DOCK8: variants seen among roughly 807,000 people sequenced by gnomAD.
DOCK8 encodes the protein dedicator of cytokinesis 8, also known as dedicator of cytokinesis protein 8.
In DOCK8, 141 loss-of-function variants were observed where a neutral mutation model predicts 245.6. That is an observed-to-expected ratio of 0.57 (90% CI 0.50 to 0.66). The LOEUF (loss-of-function observed/expected upper bound fraction) is 0.66, where lower values mean the gene tolerates loss of function less well. Among genes scored for constraint, DOCK8 ranks in the 30% least tolerant of loss-of-function variants. The probability of loss-of-function intolerance (pLI) is 0.00; values close to 1 mark genes in which losing one functional copy is unlikely to be tolerated. For missense variants in DOCK8, 2,965 were observed against 2,603.4 expected (o/e 1.14, Z -3.02); for synonymous variants, 1,168 against 970.2 (o/e 1.20, Z -3.79).
Position 450,736 on chromosome 9 carries a change from T to C in DOCK8, c.5961+809T>C, listed in dbSNP as rs115966271. Among the ~76,000 whole-genome samples, 767 of 151,204 alleles carry C rather than the reference T, an allele frequency of 5.1e-3. 3 individuals are homozygous for C. The highest frequency in any genetic ancestry group is 0.017 in the African/African-American group (712 of 41,172). ...CATTCCCAAGATCAGGAAAAAAAAA[T>C]GAGGAAACGTTTGCCTTTGTAAGTG... is the stretch of plus-strand genomic sequence containing the variant. On this transcript the variant is annotated intron_variant, in intron 45 of 47. Coordinates refer to ENST00000432829, the MANE Select transcript of DOCK8 (RefSeq NM_203447.4).
chr9:411,814 A>G (rs186344193), intron 28 of DOCK8, among the ~76,000 whole-genome samples: 2 of 152,340 alleles, frequency 1.3e-5, no homozygotes, highest in East Asian at 3.9e-4. Flanking sequence ...TACCATATTA[A>G]TAAAATAAAG....
intron 14 of DOCK8, among the ~76,000 whole-genome samples, chr9:342,297 C>CTTTTTTTATTTTTTTTTTTTTTT (rs2051640136): frequency 8.0e-6 from 1 of 124,414 alleles, no homozygotes; most frequent in African/African-American, 3.0e-5. Flanking sequence ...TTTCTTTTTT[C>CTTTTTTTATTTTTTTTTTTTTTT]TTTTTTTTTT....
chr9:382,828 C>A, intron 22 of DOCK8, 143 bp downstream of exon 22: 2 of 1,119,226 alleles, frequency 1.8e-6, no homozygotes, highest in Non-Finnish European at 2.6e-6. Flanking sequence ...GAGTGATTAA[C>A]GTTCTTTAGA....
intron 4 of DOCK8, among the ~76,000 whole-genome samples, chr9:296,146 C>A (rs1057440463): frequency 6.6e-6 from 1 of 152,132 alleles, no homozygotes; most frequent in African/African-American, 2.4e-5. Flanking sequence ...CTCCCCATGA[C>A]TTTTGAAAAT....
chr9:384,966 CCT>C, intron 22 of DOCK8, among the ~76,000 whole-genome samples: 1 of 152,116 alleles, frequency 6.6e-6, no homozygotes, highest in South Asian at 2.1e-4. Flanking sequence ...GGATTCACCC[CCT>C]GAGATGCTGA....
intron 22 of DOCK8, 63 bp downstream of exon 22, chr9:382,748 G>A (rs1563989068): frequency 6.3e-7 from 1 of 1,581,828 alleles, no homozygotes; most frequent in African/African-American, 1.3e-5. Context: ...CTAAAACTTG[G>A]AGAAGTAACA....
intron 36 of DOCK8, 29 bp downstream of exon 36, chr9:429,883 G>A (rs762357192): frequency 1.2e-6 from 2 of 1,612,374 alleles, no homozygotes; most frequent in Non-Finnish European, 1.7e-6. Flanking sequence ...TGAGTGACCT[G>A]GAATCAGTAG....
chr9:231,696 G>C (rs2047121452), intron 1 of DOCK8, among the ~76,000 whole-genome samples: 1 of 152,082 alleles, frequency 6.6e-6, no homozygotes, highest in Non-Finnish European at 1.5e-5. Context: ...TTGGCTCTCT[G>C]TTTGTCTGTT....
chr9:285,808 C>G (rs10967998), intron 2 of DOCK8, among the ~76,000 whole-genome samples: 1 of 152,064 alleles, frequency 6.6e-6, no homozygotes, highest in East Asian at 1.9e-4. Flanking sequence ...TATGAAAACT[C>G]AGCAGATTGC....
intron 26 of DOCK8, among the ~76,000 whole-genome samples, chr9:403,246 G>A (rs2055198674): frequency 6.6e-6 from 1 of 152,178 alleles, no homozygotes. Context: ...CCATAGTGGG[G>A]CCTTCTTTTA....
chr9:424,864 A>G (rs182704200), intron 33 of DOCK8, among the ~76,000 whole-genome samples: 46 of 152,220 alleles, frequency 3.0e-4, no homozygotes, highest in African/African-American at 1.0e-3. Flanking sequence ...TTGGGAAAAA[A>G]CAGATTAGGA....
At chr9:213,150 T>C (rs1484769513), upstream of DOCK8, 2 of 152,202 alleles carry the variant, frequency 1.3e-5, no homozygotes, top group East Asian at 1.9e-4. Context: ...TTTGTTTTCG[T>C]ATGTAGTCTA....
chr9:239,648 A>G (rs1354005977), intron 1 of DOCK8, among the ~76,000 whole-genome samples: 1 of 152,224 alleles, frequency 6.6e-6, no homozygotes, highest in Non-Finnish European at 1.5e-5. Context: ...TATAAATTAT[A>G]GAAAAGTCAG....
rs371700985 is a variant in DOCK8, at chr9:368,134, C to T, written c.1796C>T (p.Pro599Leu). Residue 599 changes from proline to leucine, a missense_variant and splice_region_variant, in exon 15 of 48, where the codon CCG (proline) becomes CTG (leucine). Physicochemically the swap from Pro to Leu is moderately conservative, Grantham distance 98. Transcript: ENST00000432829. ...GGAGAAGATGCTAGCAATGCGATGC[C>T]GGTAAGGAGGGAAACGAACATTTGC... ...MCGEDASNAM[P>L]VIFGKSSGPE... is the part of the protein sequence containing the mutation. 8.1e-6 allele frequency: 13 copies of T among 1,612,906 alleles called. No homozygotes were observed. Among genetic ancestry groups the T allele is most frequent in the Non-Finnish European group, 9.3e-6 (11 of 1,178,922 alleles).
rs142287625 is a variant in DOCK8 at position 224,545 on chromosome 9, G to A, written c.53+9516G>A. Among the ~76,000 whole-genome samples the A allele has an allele frequency of 1.5e-4, 23 of 152,224 alleles. 1 individual carries two copies. The highest frequency in any genetic ancestry group is 1.2e-3 in the Admixed American group (18 of 15,282). On this transcript the variant is annotated intron_variant, in intron 1 of 47. Transcript: ENST00000432829. Reference sequence around the variant, plus strand: ...GGAGGCCCAGTCCCTCTGCTGCCACGGGTAGAAATACTTTTTCCTAAATCG... The same window carrying A: ...GGAGGCCCAGTCCCTCTGCTGCCACAGGTAGAAATACTTTTTCCTAAATCG...
chr9:329,909 T>C (rs534943719), intron 9 of DOCK8, among the ~76,000 whole-genome samples: 2 of 152,356 alleles, frequency 1.3e-5, no homozygotes, highest in African/African-American at 4.8e-5. Flanking sequence ...GAAATTGAAA[T>C]CTACTCAGCA....
chr9:277,457 G>GAGAAGAGAAGAGAAGAGAAGAGA lies in DOCK8; in HGVS notation c.156+5731_156+5732insAGAGAAGAGAAGAGAAGAGAAGA, dbSNP rs1554651516. ...AAAAGAGAAGAGAGGAGAAGAGAAA[G>GAGAAGAGAAGAGAAGAGAAGAGA]AGAGAAGAGAAGAGAAGAGAAGAGA... On this transcript the variant is annotated intron_variant, in intron 2 of 47. Transcript: ENST00000432829. 3.1e-5 allele frequency among the ~76,000 whole-genome samples: 4 copies of GAGAAGAGAAGAGAAGAGAAGAGA among 129,496 alleles called. 1 individual carries two copies. Among genetic ancestry groups the GAGAAGAGAAGAGAAGAGAAGAGA allele is most frequent in the South Asian group, 4.8e-4 (2 of 4,174 alleles). 85.0% of individuals were successfully genotyped at this position (129,496 alleles called of 152,430 possible).
chr9:412,672 A>G (rs2055797594), intron 28 of DOCK8, among the ~76,000 whole-genome samples: 1 of 152,172 alleles, frequency 6.6e-6, no homozygotes, highest in South Asian at 2.1e-4. Flanking sequence ...AAATAGCATC[A>G]CAAAGAAAAA....
chr9:358,116 A>C (rs1006101459), intron 14 of DOCK8, among the ~76,000 whole-genome samples: 9 of 152,056 alleles, frequency 5.9e-5, no homozygotes, highest in East Asian at 1.9e-4. Flanking sequence ...ACAGGGTCTC[A>C]TTCTGTCACC....
Sources: allele counts gnomAD v4.1 joint callset (sites outside exome capture counted in the v4.1 genomes callset), GRCh38; gene constraint gnomAD v4.1.1; transcripts MANE v1.5; gene names NCBI Gene and HGNC (gene_info 2026-07-23, HGNC 2026-07-21).